The following CCBE1 variants were observed in gnomAD, a reference collection of about 807,000 sequenced individuals.
CCBE1 encodes collagen and calcium binding EGF domains 1, also known as collagen and calcium-binding EGF domain-containing protein 1.
In CCBE1, 37 loss-of-function variants were observed where a neutral mutation model predicts 50.0. The observed-to-expected ratio is 0.74, with a 90% confidence interval of 0.57 to 0.97. The LOEUF is 0.97. Ranked by LOEUF, CCBE1 falls within the 50% of genes least tolerant of loss-of-function variation. CCBE1 has a pLI of 0.00. For synonymous variants in CCBE1, 234 were observed against 203.7 expected (o/e 1.15, Z -1.27); for missense variants, 538 against 523.8 (o/e 1.03, Z -0.26).
chr18:59,535,524 CT>C (rs1420135759), intron 2 of CCBE1, among the ~76,000 whole-genome samples: 2 of 152,134 alleles, frequency 1.3e-5, no homozygotes, highest in Non-Finnish European at 2.9e-5. Context: ...CACACTACCC[CT>C]GGCAGCTCCA....
chr18:59,653,592 C>T (rs2054152905), intron 2 of CCBE1, among the ~76,000 whole-genome samples: 1 of 152,184 alleles, frequency 6.6e-6, no homozygotes, highest in African/African-American at 2.4e-5. Flanking sequence ...GAAATTAAAG[C>T]ACAGAGAAGT....
At chr18:59,669,571 G>A (rs1340011615) in intron 2 of CCBE1, among the ~76,000 whole-genome samples, 3 of 152,224 alleles carry the variant, frequency 2.0e-5, no homozygotes, top group East Asian at 1.9e-4. Context: ...GTGCACCTAC[G>A]TGGCTCCAGG....
chr18:59,453,643 G>A (rs1425516184), intron 6 of CCBE1, among the ~76,000 whole-genome samples: 1 of 152,136 alleles, frequency 6.6e-6, no homozygotes, highest in Non-Finnish European at 1.5e-5. Context: ...ACATGGGAAA[G>A]AGATACCATC....
intron 3 of CCBE1, among the ~76,000 whole-genome samples, chr18:59,473,700 A>ATTTCCCCCCTACTACTCACCTTCCAACC (rs1912151315): frequency 3.9e-5 from 2 of 50,934 alleles, no homozygotes; most frequent in Non-Finnish European, 8.3e-5. Context: ...CCCTCCCACT[A>ATTTCCCCCCTACTACTCACCTTCCAACC]CTCCCCCCCT....
chr18:59,607,057 G>GAAAAAAAAAAAA (rs59954169), intron 2 of CCBE1, among the ~76,000 whole-genome samples: 1 of 117,374 alleles, frequency 8.5e-6, no homozygotes. Flanking sequence ...GTTGAATTGG[G>GAAAAAAAAAAAA]AAAAAAAAAA....
At chr18:59,643,809 G>A (rs747087451) in intron 2 of CCBE1, among the ~76,000 whole-genome samples, 4 of 142,230 alleles carry the variant, frequency 2.8e-5, no homozygotes, top group East Asian at 2.4e-4. Flanking sequence ...GCAACAATGC[G>A]AGACTGTCTC....
At chr18:59,650,437 G>A (rs150848845) in intron 2 of CCBE1, among the ~76,000 whole-genome samples, 26 of 151,038 alleles carry the variant, frequency 1.7e-4, no homozygotes, top group Admixed American at 9.3e-4. Context: ...AGCTTTTCAC[G>A]ATCCCATGGG....
At chr18:59,568,047 C>A (rs535677491) in intron 2 of CCBE1, 1 of 152,176 alleles carries the variant, frequency 6.6e-6, no homozygotes, top group South Asian at 2.1e-4. Flanking sequence ...ATAGAGAGAA[C>A]CACGGTTAGG....
chr18:59,442,027 G>A lies in CCBE1; in HGVS notation c.776-2211C>T, dbSNP rs191304805. 1.2e-4 allele frequency among the ~76,000 whole-genome samples: 19 copies of A among 152,006 alleles called. No individual in the cohort carries two copies. In the East Asian group the frequency reaches 3.3e-3, roughly 26 times the overall value. On this transcript the variant is annotated intron_variant, in intron 7 of 10. Coordinates refer to ENST00000439986, the MANE Select transcript of CCBE1 (RefSeq NM_133459.4). Reference sequence around the variant, plus strand: ...TTCCATGATTGCCTCCTTCCTAATTGCCCCATAGTCCCATCCTCCCTGAAT... The same window carrying A: ...TTCCATGATTGCCTCCTTCCTAATTACCCCATAGTCCCATCCTCCCTGAAT...
chr18:59,553,680 T>G (rs537346873), intron 2 of CCBE1, among the ~76,000 whole-genome samples: 1 of 152,352 alleles, frequency 6.6e-6, no homozygotes, highest in Non-Finnish European at 1.5e-5. Flanking sequence ...TTAGGTGCTC[T>G]GTAGGCAGCC....
intron 2 of CCBE1, among the ~76,000 whole-genome samples, chr18:59,605,083 G>C (rs777280044): frequency 6.6e-6 from 1 of 152,312 alleles, no homozygotes; most frequent in South Asian, 2.1e-4. Context: ...TGCAAAGGCT[G>C]GGAAAAGTGC....
intron 2 of CCBE1, among the ~76,000 whole-genome samples, chr18:59,499,182 C>T (rs970890091): frequency 3.2e-4 from 49 of 152,082 alleles, no homozygotes; most frequent in Non-Finnish European, 2.9e-5. Context: ...AAGAAGATAC[C>T]ATTATGTTAG....
intron 2 of CCBE1, among the ~76,000 whole-genome samples, chr18:59,618,499 A>G (rs28716296): frequency 0.025 from 3,735 of 151,830 alleles, 142 homozygotes; most frequent in African/African-American, 0.086. Flanking sequence ...CAGTGGCACA[A>G]TCTCGGCTTA....
chr18:59,486,524 T>C (rs922224119), intron 2 of CCBE1, among the ~76,000 whole-genome samples: 3 of 152,182 alleles, frequency 2.0e-5, no homozygotes, highest in African/African-American at 4.8e-5. Context: ...ACCCTATGGA[T>C]TTAGGAGGCT....
chr18:59,576,690 G>A (rs116980029), intron 2 of CCBE1, among the ~76,000 whole-genome samples: 2,817 of 152,242 alleles, frequency 0.019, 37 homozygotes, highest in Non-Finnish European at 0.031. Flanking sequence ...GCCATGCCCC[G>A]TCTACTTGCT....
intron 5 of CCBE1, among the ~76,000 whole-genome samples, chr18:59,458,607 GACAGTA>G (rs1598917143): frequency 6.6e-6 from 1 of 152,212 alleles, no homozygotes; most frequent in Non-Finnish European, 1.5e-5. Flanking sequence ...TCCAGAGAGA[GACAGTA>G]ACTTGCCTTA....
chr18:59,675,460 C>A (rs2054488412), intron 2 of CCBE1, among the ~76,000 whole-genome samples: 1 of 152,216 alleles, frequency 6.6e-6, no homozygotes, highest in African/African-American at 2.4e-5. Context: ...CATGGGACTA[C>A]TGAATTAAAA....
chr18:59,522,872 G>C (rs1914661654), intron 2 of CCBE1, among the ~76,000 whole-genome samples: 1 of 151,524 alleles, frequency 6.6e-6, no homozygotes, highest in South Asian at 2.1e-4. Flanking sequence ...GGCGCCTGTA[G>C]TCCCAGCTAC....
At chr18:59,581,385 G>C (rs932122954) in intron 2 of CCBE1, among the ~76,000 whole-genome samples, 3 of 150,764 alleles carry the variant, frequency 2.0e-5, no homozygotes, top group African/African-American at 7.4e-5. Context: ...AAATCTCAGT[G>C]AGCCGAGATC....
Sources: allele counts gnomAD v4.1 joint callset (sites outside exome capture counted in the v4.1 genomes callset), GRCh38; gene constraint gnomAD v4.1.1; transcripts MANE v1.5; gene names NCBI Gene and HGNC (gene_info 2026-07-23, HGNC 2026-07-21).